Variants in ZPBP observed in about 807,000 individuals in gnomAD.
ZPBP encodes the protein zona pellucida-binding protein 1.
ZPBP carries 26 observed loss-of-function variants against 44.8 expected under a neutral mutation model. The ratio of observed to expected loss-of-function variants is 0.58; its 90% CI spans 0.43 to 0.81. The LOEUF is 0.81. Among genes scored for constraint, ZPBP ranks in the 30% least tolerant of loss-of-function variants. The pLI, the probability that ZPBP is intolerant of heterozygous loss-of-function variation, is 0.00. For synonymous variants in ZPBP, 174 were observed against 153.2 expected, an observed-to-expected ratio of 1.14 and a Z score of -1.00; for missense variants, 409 against 434.0, an observed-to-expected ratio of 0.94 and a Z score of 0.51.
chr7:49,975,249 G>C (rs1359510409), intron 7 of ZPBP, among the ~76,000 whole-genome samples: 3 of 152,136 alleles, frequency 2.0e-5, no homozygotes, highest in Non-Finnish European at 4.4e-5. Context: ...ACTGTCACTC[G>C]TGCTAACTGG....
intron 3 of ZPBP, among the ~76,000 whole-genome samples, chr7:50,074,037 T>A (rs1801966039): frequency 6.6e-6 from 1 of 152,094 alleles, no homozygotes; most frequent in African/African-American, 2.4e-5. Flanking sequence ...TGTAAACTAG[T>A]CTTTGATGAA....
At chr7:49,881,587 G>A (rs1038678824) in intron 2 of ZPBP, among the ~76,000 whole-genome samples, 2 of 152,138 alleles carry the variant, frequency 1.3e-5, no homozygotes, top group African/African-American at 2.4e-5. Context: ...AATGTGTGCT[G>A]TATCGTTTCT....
intron 3 of ZPBP, among the ~76,000 whole-genome samples, chr7:50,078,460 G>T (rs1217988211): frequency 6.6e-6 from 1 of 151,434 alleles, no homozygotes; most frequent in African/African-American, 2.4e-5. Context: ...TCTCCATGAT[G>T]TGCTTATTTC....
chr7:50,056,651 C>G lies in ZPBP; in HGVS notation c.487+1338G>C, dbSNP rs1800948881. ...TAGCAACTTGAGTTCAGGCTGTTCT[C>G]CTGGCTACTCCATATTGACAGAGCA... is the stretch of plus-strand genomic sequence containing the variant. On this transcript the variant is annotated intron_variant, in intron 4 of 7. Coordinates refer to ENST00000046087, the MANE Select transcript of ZPBP (RefSeq NM_007009.3). Among the ~76,000 whole-genome samples the G allele has an allele frequency of 2.0e-5, 3 of 152,192 alleles. No individual in the cohort carries two copies. The South Asian group carries it at 6.2e-4, about 32-fold the overall frequency.
chr7:49,934,697 GA>G (rs1246724743), downstream of ZPBP, among the ~76,000 whole-genome samples: 6 of 151,844 alleles, frequency 4.0e-5, no homozygotes, highest in Non-Finnish European at 7.4e-5. Context: ...ATATAATACA[GA>G]AATTAATACC....
chr7:49,857,668 G>A (rs62456371), intron 2 of ZPBP, among the ~76,000 whole-genome samples: 4 of 152,012 alleles, frequency 2.6e-5, no homozygotes, highest in Non-Finnish European at 5.9e-5. Flanking sequence ...GTGAGGATAT[G>A]GGGAAATTAG....
intron 2 of ZPBP, among the ~76,000 whole-genome samples, chr7:49,885,841 G>A (rs754255420): frequency 6.6e-6 from 1 of 152,242 alleles, no homozygotes; most frequent in Non-Finnish European, 1.5e-5. Context: ...GCAGCTGGCC[G>A]CTGCAGCATT....
intron 7 of ZPBP, among the ~76,000 whole-genome samples, chr7:49,981,612 T>TATAAGTATATAAATTA (rs1478196193): frequency 4.9e-5 from 1 of 20,380 alleles, no homozygotes; most frequent in Non-Finnish European, 8.4e-5. Context: ...AATTATATAA[T>TATAAGTATATAAATTA]TATATTATAT....
chr7:49,881,817 C>G (rs1791677746), intron 2 of ZPBP, among the ~76,000 whole-genome samples: 1 of 151,788 alleles, frequency 6.6e-6, no homozygotes, highest in South Asian at 2.1e-4. Context: ...TAAAATAATT[C>G]ATAACTTATG....
chr7:49,987,729 TGTGTGTG>T (rs1448486225), intron 6 of ZPBP, among the ~76,000 whole-genome samples: 2 of 606 alleles, frequency 3.3e-3, no homozygotes, highest in Non-Finnish European at 8.3e-3. Context: ...ATATATGTGT[TGTGTGTG>T]TGTGTGTGTG....
chr7:50,055,461 G>A (rs1201764163), intron 4 of ZPBP, among the ~76,000 whole-genome samples: 1 of 152,066 alleles, frequency 6.6e-6, no homozygotes, highest in Admixed American at 6.5e-5. Context: ...GGTGTACATA[G>A]TAGGATATCA....
chr7:49,910,414 A>C (rs1793345690), intron 1 of ZPBP, among the ~76,000 whole-genome samples: 1 of 152,218 alleles, frequency 6.6e-6, no homozygotes. Flanking sequence ...ACATTATCAA[A>C]GATATTAGAA....
intron 2 of ZPBP, among the ~76,000 whole-genome samples, chr7:49,889,730 G>T (rs1424057501): frequency 2.0e-5 from 3 of 152,102 alleles, no homozygotes; most frequent in Non-Finnish European, 2.9e-5. Flanking sequence ...GAAGAAAAAA[G>T]AACTTATTGG....
chr7:49,978,932 G>C (rs1432257152), intron 7 of ZPBP, among the ~76,000 whole-genome samples: 2 of 151,634 alleles, frequency 1.3e-5, no homozygotes, highest in African/African-American at 4.8e-5. Context: ...ACTGAATCTT[G>C]CTTAATAGCT....
At chr7:50,081,931 G>A in intron 2 of ZPBP, 32 bp from the exon 3 acceptor site, 1 of 1,605,136 alleles carries the variant, frequency 6.2e-7, no homozygotes, top group Non-Finnish European at 8.5e-7. Context: ...TGTTCCAATA[G>A]TATTTTATCT....
chr7:50,082,940 T>C (rs1802443689), intron 2 of ZPBP, among the ~76,000 whole-genome samples: 1 of 151,876 alleles, frequency 6.6e-6, no homozygotes. Context: ...TTACTGGCCC[T>C]ACTCTCCATG....
Position 50,013,618 on chromosome 7 carries a change from C to T in ZPBP, c.783+4622G>A, listed in dbSNP as rs192791616. Among the ~76,000 whole-genome samples the T allele has an allele frequency of 3.4e-4, 51 of 151,802 alleles. No individual in the cohort carries two copies. The East Asian group carries it at 8.1e-3, about 24-fold the overall frequency. On this transcript the variant is annotated intron_variant, in intron 6 of 7. Coordinates refer to ENST00000046087, the MANE Select transcript of ZPBP (RefSeq NM_007009.3). ...AAAGAGATGAAAAAATAATGGATTA[C>T]GAATTTTCCAATATAAACTTTACCC...
chr7:49,861,062 G>A (rs692274), intron 2 of ZPBP, among the ~76,000 whole-genome samples: 14,950 of 152,244 alleles, frequency 0.098, 2,126 homozygotes, highest in African/African-American at 0.31. Flanking sequence ...AAGACTCACC[G>A]CCCTTTATCA....
intron 7 of ZPBP, among the ~76,000 whole-genome samples, chr7:49,957,978 C>A (rs1364634977): frequency 2.6e-5 from 4 of 152,208 alleles, no homozygotes; most frequent in South Asian, 2.1e-4. Context: ...GAAGGCAGGA[C>A]AAGGGGTCAA....
Sources: gnomAD v4.1 joint callset for allele counts (sites outside exome capture counted in the v4.1 genomes callset) on GRCh38, gnomAD v4.1.1 for gene constraint, MANE v1.5 for transcripts, NCBI Gene and HGNC (gene_info 2026-07-23, HGNC 2026-07-21) for gene names.